KLF12: variants seen among roughly 807,000 people sequenced by gnomAD.
The protein encoded by KLF12 is Krueppel-like factor 12.
KLF12 carries 9 observed loss-of-function variants against 37.8 expected under a neutral mutation model. The observed-to-expected ratio is 0.24, with a 90% CI of 0.14 to 0.42. KLF12 has a LOEUF of 0.42. Ranked by LOEUF, KLF12 falls within the 10% of genes least tolerant of loss-of-function variation. The pLI, the probability that KLF12 is intolerant of heterozygous loss-of-function variation, is 1.00. For synonymous variants in KLF12, 208 were observed against 202.1 expected, an observed-to-expected ratio of 1.03 and a Z score of -0.25; for missense variants, 411 against 516.0, an observed-to-expected ratio of 0.80 and a Z score of 1.97.
intron 1 of KLF12, among the ~76,000 whole-genome samples, chr13:74,033,484 T>C (rs1893167171): frequency 6.6e-6 from 1 of 152,220 alleles, no homozygotes; most frequent in Non-Finnish European, 1.5e-5. Flanking sequence ...ATAATCAACA[T>C]AAAGCACTTA....
chr13:73,919,978 C>T (rs1341078229), intron 3 of KLF12, among the ~76,000 whole-genome samples: 6 of 152,158 alleles, frequency 3.9e-5, no homozygotes, highest in African/African-American at 1.4e-4. Context: ...GCATTAGTTA[C>T]CCCGCATTCC....
At chr13:74,066,740 G>A (rs1224873523) in intron 1 of KLF12, among the ~76,000 whole-genome samples, 2 of 152,134 alleles carry the variant, frequency 1.3e-5, no homozygotes, top group Non-Finnish European at 2.9e-5. Context: ...CCTGGATTTT[G>A]CTTAACATTT....
intron 6 of KLF12, among the ~76,000 whole-genome samples, chr13:73,740,874 A>G (rs1434363009): frequency 6.6e-6 from 1 of 152,170 alleles, no homozygotes; most frequent in African/African-American, 2.4e-5. Context: ...CAAGAACAGC[A>G]GAGCAGTCTG....
chr13:74,015,673 C>G (rs1892670262), intron 1 of KLF12, among the ~76,000 whole-genome samples: 2 of 152,272 alleles, frequency 1.3e-5, no homozygotes, highest in Admixed American at 1.3e-4. Context: ...GTACACTGTT[C>G]CCTCTATCTT....
the KLF12 span, among the ~76,000 whole-genome samples, chr13:74,164,217 A>G: frequency 6.6e-6 from 1 of 152,180 alleles, no homozygotes; most frequent in Non-Finnish European, 1.5e-5. Flanking sequence ...TTTCTTCCCA[A>G]GATAAAATAA....
chr13:74,134,076 T>G (rs1878426541), upstream of KLF12, among the ~76,000 whole-genome samples: 1 of 140,830 alleles, frequency 7.1e-6, no homozygotes, highest in African/African-American at 2.7e-5. Context: ...CGCATCGAAT[T>G]ACCCCGGGGC....
intron 1 of KLF12, among the ~76,000 whole-genome samples, chr13:74,060,882 C>T (rs1427145534): frequency 6.6e-6 from 1 of 151,976 alleles, no homozygotes; most frequent in Admixed American, 6.6e-5. Flanking sequence ...TTGAACTTTA[C>T]TCCTGAAAAA....
chr13:74,045,647 A>G (rs1593854488), intron 1 of KLF12, among the ~76,000 whole-genome samples: 1 of 150,312 alleles, frequency 6.7e-6, no homozygotes, highest in East Asian at 1.9e-4. Context: ...AAAAAAATAG[A>G]TCCCCAGCCC....
chr13:73,875,873 C>T (rs1886681758), intron 3 of KLF12, among the ~76,000 whole-genome samples: 1 of 152,132 alleles, frequency 6.6e-6, no homozygotes, highest in South Asian at 2.1e-4. Context: ...TGATCTGAAA[C>T]AAAATGGCTG....
chr13:74,165,149 A>G, the KLF12 span, among the ~76,000 whole-genome samples: 1 of 152,170 alleles, frequency 6.6e-6, no homozygotes, highest in Non-Finnish European at 1.5e-5. Context: ...ATGTATCAAA[A>G]TATCTCATGT....
chr13:74,250,804 C>A, the KLF12 span, among the ~76,000 whole-genome samples: 4 of 152,240 alleles, frequency 2.6e-5, no homozygotes, highest in East Asian at 7.7e-4. Flanking sequence ...TTTTTCTAAC[C>A]ATTACATGCA....
At chr13:73,799,500 C>CCA (rs1555307163) in intron 5 of KLF12, among the ~76,000 whole-genome samples, 1 of 151,680 alleles carries the variant, frequency 6.6e-6, no homozygotes, top group Non-Finnish European at 1.5e-5. Context: ...AATTCAATAA[C>CCA]TGTGGGCTTT....
chr13:74,057,558 T>A (rs1324125688), intron 1 of KLF12, among the ~76,000 whole-genome samples: 1 of 152,208 alleles, frequency 6.6e-6, no homozygotes, highest in Non-Finnish European at 1.5e-5. Context: ...TTTGACCATA[T>A]CAATCAGTCA....
chr13:74,067,944 G>A (rs1424943601), intron 1 of KLF12, among the ~76,000 whole-genome samples: 1 of 152,166 alleles, frequency 6.6e-6, no homozygotes, highest in Non-Finnish European at 1.5e-5. Context: ...AAATATGGTA[G>A]AATCCTTTTA....
At chr13:74,262,782 A>T in the KLF12 span, among the ~76,000 whole-genome samples, 1 of 152,272 alleles carries the variant, frequency 6.6e-6, no homozygotes, top group East Asian at 1.9e-4. Flanking sequence ...GACCTCAGGA[A>T]GGCAATGTCT....
intron 6 of KLF12, among the ~76,000 whole-genome samples, chr13:73,749,866 GA>G (rs1200699969): frequency 6.6e-6 from 1 of 152,170 alleles, no homozygotes; most frequent in African/African-American, 2.4e-5. Flanking sequence ...CAATACTGCA[GA>G]GGTATTTTGT....
upstream of KLF12, among the ~76,000 whole-genome samples, chr13:74,136,954 C>G (rs188757635): frequency 6.6e-6 from 1 of 152,052 alleles, no homozygotes; most frequent in Admixed American, 6.5e-5. Context: ...ACTTGGGGTG[C>G]GTGTAAAAGA....
chr13:73,983,702 A>T (rs970413473), intron 2 of KLF12, among the ~76,000 whole-genome samples: 3 of 152,090 alleles, frequency 2.0e-5, no homozygotes, highest in African/African-American at 7.2e-5. Context: ...TAAACTCTCA[A>T]TCACAAATCC....
intron 1 of KLF12, among the ~76,000 whole-genome samples, chr13:74,008,278 T>C (rs1892466691): frequency 1.3e-5 from 2 of 152,052 alleles, no homozygotes; most frequent in South Asian, 4.1e-4. Flanking sequence ...TATGCATGAG[T>C]CACTCCAAAA....
Sources: gnomAD v4.1 joint callset for allele counts (sites outside exome capture counted in the v4.1 genomes callset) on GRCh38, gnomAD v4.1.1 for gene constraint, MANE v1.5 for transcripts, NCBI Gene and HGNC (gene_info 2026-07-23, HGNC 2026-07-21) for gene names.